Variants in SEMA4F observed in about 807,000 individuals in gnomAD.
SEMA4F encodes ssemaphorin 4F.
Under a neutral mutation model 78.4 loss-of-function variants are expected in SEMA4F, and 51 were observed. The ratio of observed to expected loss-of-function variants is 0.65; its 90% CI spans 0.52 to 0.82. The LOEUF (loss-of-function observed/expected upper bound fraction) is 0.82, where lower values mean the gene tolerates loss of function less well. SEMA4F is among the 40% of genes least tolerant of loss of function. SEMA4F has a pLI of 0.00. For synonymous variants in SEMA4F, 418 were observed against 408.7 expected, an observed-to-expected ratio of 1.02 and a Z score of -0.27; for missense variants, 938 against 1,014.4, an observed-to-expected ratio of 0.92 and a Z score of 1.02.
Position 74,654,341 on chromosome 2 carries a change from A to G in SEMA4F, c.-36A>G, listed in dbSNP as rs755652666. 3 of 1,450,232 alleles carry G rather than the reference A, an allele frequency of 2.1e-6. No homozygotes were observed. The highest frequency in any genetic ancestry group is 2.5e-5 in the Admixed American group (1 of 39,584). The allele number at this position is 1,450,232 out of a possible 1,614,324, so 89.8% of individuals were successfully genotyped here. ...CCCCGGGGCCCTGAGCAGAGGCCGT[A>G]GCTTGCGCCGCACCCGCGGCCAGGC... On this transcript the variant is annotated 5_prime_UTR_variant, in exon 1 of 14. Transcript: ENST00000357877.
chr2:74,662,748 A>G lies in SEMA4F; in HGVS notation c.473A>G (p.Gln158Arg). The G allele has an allele frequency of 6.2e-7, 1 of 1,614,162 alleles. No individual in the cohort carries two copies. The highest frequency in any genetic ancestry group is 8.5e-7 in the Non-Finnish European group (1 of 1,179,988). The change falls in exon 5 of 14, where the codon CAG becomes CGG. Residue 158 changes from glutamine (Q) to arginine (R), a missense_variant. By Grantham distance (43) the Gln-to-Arg change is conservative. Transcript: ENST00000357877. ...GGTCTATAGGATGTGTCCAGGTTCC[A>G]GCAGGTTGAAAGACTTGAGAGTGGC... ...KCGVIDVSRF[Q>R]QVERLESGRG...
chr2:74,700,085 C>T, the SEMA4F span, among the ~76,000 whole-genome samples: 7 of 152,112 alleles, frequency 4.6e-5, no homozygotes, highest in Non-Finnish European at 8.8e-5. Context: ...AAGAACACCA[C>T]GGCTGACATG....
At position 74,674,533 on chromosome 2, in the gene SEMA4F, A is replaced by T. The variant is rs762550673; in HGVS notation, c.858A>T (p.Arg286Ser). The T allele has an allele frequency of 1.2e-6, 2 of 1,613,890 alleles. No individual in the cohort carries two copies. Among genetic ancestry groups the T allele is most frequent in the Admixed American group, 3.3e-5 (2 of 59,974 alleles). The change falls in exon 8 of 14, where the codon AGA becomes AGT. Residue 286 changes from arginine to serine, a missense_variant. Coordinates refer to ENST00000357877, the MANE Select transcript of SEMA4F (RefSeq NM_004263.5). ...DLGGRKTLQQ[R>S]WTTFLKADLL... ...GGGGCCGGAAGACCCTCCAGCAGAG[A>T]TGGACGACGTTTTTGAAAGCTGACC... is the stretch of plus-strand genomic sequence containing the variant.
Position 74,679,265 on chromosome 2 carries a change from C to T in SEMA4F, c.1644-11C>T. ...TCACACTGGATTTACCAAGCATTCTCTTCTTTATAGGTTGGTCCAAGACAT... is the reference window on the plus strand; with the variant it reads ...TCACACTGGATTTACCAAGCATTCTTTTCTTTATAGGTTGGTCCAAGACAT... On this transcript the variant is annotated splice_polypyrimidine_tract_variant and intron_variant, in intron 12 of 13. Transcript: ENST00000357877. The T allele has an allele frequency of 6.2e-7, 1 of 1,608,236 alleles. No individual in the cohort carries two copies. Among genetic ancestry groups the T allele is most frequent in the Non-Finnish European group, 8.5e-7 (1 of 1,174,660 alleles).
At chr2:74,692,551 T>C in the SEMA4F span, among the ~76,000 whole-genome samples, 2 of 152,144 alleles carry the variant, frequency 1.3e-5, no homozygotes, top group South Asian at 2.1e-4. Flanking sequence ...AAGGCTTCTG[T>C]TGGATGTGTG....
chr2:74,699,852 G>A, the SEMA4F span, among the ~76,000 whole-genome samples: 1 of 152,200 alleles, frequency 6.6e-6, no homozygotes, highest in Non-Finnish European at 1.5e-5. Flanking sequence ...GTGAGAATGA[G>A]AACTAGAGAA....
At chr2:74,657,420 G>GA in intron 2 of SEMA4F, 145 bp from the exon 3 acceptor site, 2 of 636,330 alleles carry the variant, frequency 3.1e-6, no homozygotes, top group Non-Finnish European at 5.7e-6. Context: ...AATGGGTGGG[G>GA]ACCTCCATTT....
At chr2:74,698,061 G>A in the SEMA4F span, among the ~76,000 whole-genome samples, 1 of 152,196 alleles carries the variant, frequency 6.6e-6, no homozygotes, top group Non-Finnish European at 1.5e-5. Flanking sequence ...CAGGGTCCCA[G>A]GTACCTGCAA....
chr2:74,708,581 C>A, the SEMA4F span, among the ~76,000 whole-genome samples: 1 of 152,150 alleles, frequency 6.6e-6, no homozygotes, highest in African/African-American at 2.4e-5. Context: ...CCTTTCCTGA[C>A]TGGCACAGTG....
At chr2:74,656,013 T>C (rs1684114775) in intron 1 of SEMA4F, among the ~76,000 whole-genome samples, 2 of 139,904 alleles carry the variant, frequency 1.4e-5, no homozygotes, top group Admixed American at 1.4e-4. Context: ...GAGGTTTAGA[T>C]TTTTTTTTTT....
rs1377223793 is a variant in SEMA4F, at chr2:74,673,716, A to C, written c.710A>C (p.Glu237Ala). The change falls in exon 7 of 14, where the codon GAA (glutamate) becomes GCA (alanine). Residue 237 changes from glutamate to alanine, a missense_variant. By Grantham distance (107) the Glu-to-Ala change is moderately radical. Coordinates refer to ENST00000357877, the MANE Select transcript of SEMA4F (RefSeq NM_004263.5). The stretch of plus-strand genomic sequence containing the variant: ...GCAGCCGTGGCCTTGAGCCCAGCCG[A>C]ATGGGGGGATGAAGATGGAGACGAC... ...FVAAVALSPA[E>A]WGDEDGDDEI... The C allele has an allele frequency of 6.2e-7, 1 of 1,613,984 alleles. No individual in the cohort carries two copies. The highest frequency in any genetic ancestry group is 8.5e-7 in the Non-Finnish European group (1 of 1,179,964).
chr2:74,677,581 G>C (rs957901416), intron 12 of SEMA4F, among the ~76,000 whole-genome samples: 6 of 152,166 alleles, frequency 3.9e-5, no homozygotes, highest in African/African-American at 1.4e-4. Flanking sequence ...ATTGTAATTG[G>C]TTGATATGTT....
At chr2:74,660,328 A>G (rs573052632) in intron 4 of SEMA4F, among the ~76,000 whole-genome samples, 1 of 152,236 alleles carries the variant, frequency 6.6e-6, no homozygotes, top group Non-Finnish European at 1.5e-5. Context: ...GCAGCCCAGA[A>G]GACCTTATCT....
chr2:74,675,774 C>G lies in SEMA4F; in HGVS notation c.1508C>G (p.Thr503Ser), dbSNP rs201869464. Residue 503 changes from threonine (T) to serine (S), a missense_variant, in exon 12 of 14, where the codon ACT (threonine) becomes AGT (serine). Physicochemically the swap from Thr to Ser is moderately conservative, Grantham distance 58 (BLOSUM62 1). Coordinates refer to ENST00000357877, the MANE Select transcript of SEMA4F (RefSeq NM_004263.5). Reference sequence around the variant, plus strand: ...AGCTGGCTCCTGGTTGGCTCCCGTACTGAGGTGACACAAGTGAATACAACC... The same window carrying G: ...AGCTGGCTCCTGGTTGGCTCCCGTAGTGAGGTGACACAAGTGAATACAACC... ...YHSWLLVGSR[T>S]EVTQVNTTNC... The G allele has an allele frequency of 5.8e-5, 94 of 1,614,206 alleles. No individual in the cohort carries two copies. The highest frequency in any genetic ancestry group is 7.7e-5 in the Non-Finnish European group (91 of 1,180,026).
rs768622507 is a variant in SEMA4F at position 74,673,479 on chromosome 2, T to C, written c.573T>C (p.Thr191=). The part of the protein sequence containing the change: ...VMAGGVLYAA[T]VKNYLGTEPI... ...CAGGGGGGGTCCTCTATGCTGCCAC[T>C]GTGAAAAACTACCTGGGGACGGAGC... The change falls in exon 6 of 14, where the codon ACT becomes ACC. Residue 191 remains threonine, a synonymous_variant. Coordinates refer to ENST00000357877, the MANE Select transcript of SEMA4F (RefSeq NM_004263.5). 1.7e-4 allele frequency: 280 copies of C among 1,614,000 alleles called. No homozygotes were observed. The highest frequency in any genetic ancestry group is 2.2e-4 in the Non-Finnish European group (263 of 1,180,034).
At chr2:74,670,811 C>T (rs1230339661) in intron 5 of SEMA4F, among the ~76,000 whole-genome samples, 2 of 152,182 alleles carry the variant, frequency 1.3e-5, no homozygotes, top group African/African-American at 4.8e-5. Flanking sequence ...CATTTTCTGC[C>T]AGGACCTTTG....
chr2:74,706,483 A>G, the SEMA4F span, among the ~76,000 whole-genome samples: 3 of 152,308 alleles, frequency 2.0e-5, no homozygotes, highest in African/African-American at 7.2e-5. Context: ...ATCTGGCTGC[A>G]TAATCAGGGA....
chr2:74,706,363 A>G, the SEMA4F span, among the ~76,000 whole-genome samples: 1 of 152,192 alleles, frequency 6.6e-6, no homozygotes, highest in African/African-American at 2.4e-5. Flanking sequence ...AGCTTGCAGT[A>G]TTAGAGGGGC....
At position 74,657,540 on chromosome 2, in the gene SEMA4F, G is replaced by A. The variant is rs188612966; in HGVS notation, c.298-25G>A. ...AGTTTGATGTTAGGGGAATCTGGGT[G>A]AAATGATCACTTCTCCTTTCTCAGA... is the stretch of plus-strand genomic sequence containing the variant. On this transcript the variant is annotated intron_variant, in intron 2 of 13. Coordinates refer to ENST00000357877, the MANE Select transcript of SEMA4F (RefSeq NM_004263.5). 2.7e-3 allele frequency: 4,377 copies of A among 1,611,694 alleles called. 12 individuals carry two copies. The highest frequency in any genetic ancestry group is 3.1e-3 in the Non-Finnish European group (3,652 of 1,177,744).
Sources: gnomAD v4.1 joint callset for allele counts (sites outside exome capture counted in the v4.1 genomes callset) on GRCh38, gnomAD v4.1.1 for gene constraint, MANE v1.5 for transcripts, NCBI Gene and HGNC (gene_info 2026-07-23, HGNC 2026-07-21) for gene names.